The following NKAIN3 variants were observed in gnomAD, a reference collection of about 807,000 sequenced individuals.
The protein encoded by NKAIN3 is sodium/potassium-transporting ATPase subunit beta-1-interacting protein 3.
In NKAIN3, 25 loss-of-function variants were observed where a neutral mutation model predicts 30.2. The ratio of observed to expected loss-of-function variants is 0.83; its 90% CI spans 0.60 to 1.16. The LOEUF (loss-of-function observed/expected upper bound fraction) is 1.16. Ranked by LOEUF, NKAIN3 falls within the 50% of genes most tolerant of loss-of-function variation. The pLI, the probability that NKAIN3 is intolerant of heterozygous loss-of-function variation, is 0.00. For synonymous variants in NKAIN3, 91 were observed against 89.6 expected (o/e 1.02, Z -0.09); for missense variants, 225 against 254.1 (o/e 0.89, Z 0.78).
At chr8:62,907,703 G>A (rs1030384151) in intron 4 of NKAIN3, among the ~76,000 whole-genome samples, 4 of 152,196 alleles carry the variant, frequency 2.6e-5, no homozygotes, top group Non-Finnish European at 4.4e-5. Context: ...CAGCATACAC[G>A]TGGTATTGGG....
At chr8:62,778,743 C>T (rs2130649069) in intron 4 of NKAIN3, among the ~76,000 whole-genome samples, 1 of 151,892 alleles carries the variant, frequency 6.6e-6, no homozygotes, top group East Asian at 2.0e-4. Flanking sequence ...GAAAAAGTCC[C>T]CTTTACTCTT....
Position 62,979,444 on chromosome 8 carries a change from T to A in NKAIN3, c.*14037T>A, listed in dbSNP as rs1215678647. The A allele has an allele frequency of 6.6e-6, 1 of 152,208 alleles. No homozygotes were observed. The highest frequency in any genetic ancestry group is 6.5e-5 in the Admixed American group (1 of 15,278). 9.4% of individuals were successfully genotyped at this position (152,208 alleles called of 1,614,324 possible). A position where few individuals can be genotyped will look rare whatever the true frequency, so the allele number is the denominator to read the frequency against. On this transcript the variant is annotated 3_prime_UTR_variant, in exon 7 of 7. Transcript: ENST00000623646. ...TGTACACACACATCCACAATCAAAC[T>A]TCAACAGTCGAGTGTACCCTTTTCT...
At chr8:62,289,094 A>T (rs533895640) in intron 1 of NKAIN3, among the ~76,000 whole-genome samples, 154 of 151,624 alleles carry the variant, frequency 1.0e-3, no homozygotes, top group African/African-American at 3.6e-3. Context: ...GGGTTGTTTG[A>T]TTTTTTCTTG....
chr8:62,822,350 T>G (rs1172002583), intron 4 of NKAIN3, among the ~76,000 whole-genome samples: 1 of 152,118 alleles, frequency 6.6e-6, no homozygotes, highest in Non-Finnish European at 1.5e-5. Flanking sequence ...ATATAAGAAG[T>G]GTTTCAAGAA....
At chr8:62,485,448 A>G (rs1467402666) in intron 1 of NKAIN3, among the ~76,000 whole-genome samples, 3 of 152,176 alleles carry the variant, frequency 2.0e-5, no homozygotes, top group African/African-American at 4.8e-5. Context: ...TTGTTCCTTC[A>G]GTAGATGTTA....
At chr8:62,926,484 G>A (rs1430761169) in intron 5 of NKAIN3, among the ~76,000 whole-genome samples, 4 of 152,072 alleles carry the variant, frequency 2.6e-5, no homozygotes, top group Non-Finnish European at 5.9e-5. Flanking sequence ...CATGTGAGCC[G>A]CCCAACCCGC....
intron 3 of NKAIN3, among the ~76,000 whole-genome samples, chr8:62,600,156 C>T (rs1169186095): frequency 2.0e-5 from 3 of 151,708 alleles, no homozygotes; most frequent in African/African-American, 7.3e-5. Flanking sequence ...AATATTTCTC[C>T]TAATTGACTT....
At chr8:62,888,772 C>A (rs1367735729) in intron 4 of NKAIN3, among the ~76,000 whole-genome samples, 2 of 152,190 alleles carry the variant, frequency 1.3e-5, no homozygotes, top group Non-Finnish European at 2.9e-5. Flanking sequence ...CCCTTCCTAT[C>A]TGAAGTTTTG....
intron 3 of NKAIN3, among the ~76,000 whole-genome samples, chr8:62,684,715 A>G (rs1319750988): frequency 6.6e-6 from 1 of 152,224 alleles, no homozygotes; most frequent in Non-Finnish European, 1.5e-5. Context: ...TTTAGAGACA[A>G]TATCTTTAAA....
chr8:62,314,596 G>GTA (rs1289209057), intron 1 of NKAIN3, among the ~76,000 whole-genome samples: 1 of 152,148 alleles, frequency 6.6e-6, no homozygotes, highest in Non-Finnish European at 1.5e-5. Context: ...GTGTTAGCCT[G>GTA]TACCACACAC....
intron 4 of NKAIN3, chr8:62,863,491 CGT>C: frequency 6.5e-7 from 1 of 1,540,828 alleles, no homozygotes; most frequent in Non-Finnish European, 8.9e-7. Flanking sequence ...CTTCAGACAA[CGT>C]ACTGGGTGGG....
In NKAIN3 at chr8:62,487,079, G is replaced by T. The variant is rs560869506; in HGVS notation, c.55-92460G>T. ...AATGCCAGATTCGTGGACCATGCTA[G>T]AGCAGAGAGTTCACTATAATCAAAA... On this transcript the variant is annotated intron_variant, in intron 1 of 6. Transcript: ENST00000623646. Among the ~76,000 whole-genome samples the T allele has an allele frequency of 2.1e-4, 32 of 152,292 alleles. 1 individual carries two copies. In the South Asian group the frequency reaches 6.2e-3, roughly 30 times the overall value.
At chr8:62,786,208 A>G (rs974430906) in intron 4 of NKAIN3, among the ~76,000 whole-genome samples, 1 of 152,184 alleles carries the variant, frequency 6.6e-6, no homozygotes, top group Non-Finnish European at 1.5e-5. Flanking sequence ...TTGCAGAGCT[A>G]CTTACACTAG....
At chr8:62,778,343 C>T (rs1175827654) in intron 4 of NKAIN3, among the ~76,000 whole-genome samples, 1 of 152,090 alleles carries the variant, frequency 6.6e-6, no homozygotes, top group African/African-American at 2.4e-5. Flanking sequence ...AGAACCAGGT[C>T]TTGGAATCAG....
intron 4 of NKAIN3, among the ~76,000 whole-genome samples, chr8:62,795,739 C>T (rs561594874): frequency 5.5e-4 from 83 of 152,212 alleles, no homozygotes; most frequent in Admixed American, 3.3e-3. Flanking sequence ...ATATTATTCA[C>T]CTTTCCCCAT....
intron 4 of NKAIN3, among the ~76,000 whole-genome samples, chr8:62,798,377 C>T (rs912997527): frequency 6.6e-6 from 1 of 152,080 alleles, no homozygotes; most frequent in African/African-American, 2.4e-5. Context: ...CGAGACCATC[C>T]TGGCTAACAC....
At chr8:62,961,638 C>T (rs925559750) in intron 6 of NKAIN3, among the ~76,000 whole-genome samples, 2 of 151,734 alleles carry the variant, frequency 1.3e-5, no homozygotes, top group African/African-American at 4.8e-5. Context: ...TTCTGTATAA[C>T]CAAAAAATAA....
chr8:62,650,868 A>G (rs1336927045), intron 3 of NKAIN3, among the ~76,000 whole-genome samples: 1 of 152,166 alleles, frequency 6.6e-6, no homozygotes, highest in African/African-American at 2.4e-5. Context: ...TGGCATAAGC[A>G]CCATTGAGAA....
chr8:62,748,363 C>T (rs1329780255), intron 4 of NKAIN3, among the ~76,000 whole-genome samples: 5 of 152,092 alleles, frequency 3.3e-5, no homozygotes, highest in African/African-American at 9.7e-5. Context: ...AAAAATTGAC[C>T]GATTCTCAGG....
Sources: gnomAD v4.1 joint callset for allele counts (sites outside exome capture counted in the v4.1 genomes callset) on GRCh38, gnomAD v4.1.1 for gene constraint, MANE v1.5 for transcripts, NCBI Gene and HGNC (gene_info 2026-07-23, HGNC 2026-07-21) for gene names.